The following SMG1 variants were observed in gnomAD, a reference collection of about 807,000 sequenced individuals.
SMG1 encodes the protein SMG1 nonsense mediated mRNA decay associated PI3K related kinase.
A neutral mutation model predicts 419.9 loss-of-function variants in SMG1; 22 were observed. The observed-to-expected ratio is 0.05, with a 90% CI of 0.04 to 0.07. SMG1 has a LOEUF of 0.07. Ranked by LOEUF, SMG1 falls within the 10% of genes least tolerant of loss-of-function variation. The pLI, the probability that SMG1 is intolerant of heterozygous loss-of-function variation, is 1.00. For synonymous variants in SMG1, 1,538 were observed against 1,553.5 expected, an observed-to-expected ratio of 0.99 and a Z score of 0.23; for missense variants, 3,185 against 4,342.0, an observed-to-expected ratio of 0.73 and a Z score of 7.49.
intron 26 of SMG1, 80 bp from the exon 27 acceptor site, chr16:18,859,783 C>T (rs1334533430): frequency 9.5e-7 from 1 of 1,048,760 alleles, no homozygotes. Context: ...TTATTAAAAA[C>T]TAATCACCAA....
At chr16:18,858,820 T>C in intron 28 of SMG1, 1 of 468,036 alleles carries the variant, frequency 2.1e-6, no homozygotes, top group East Asian at 3.7e-5. Flanking sequence ...CAATTTGCCA[T>C]CCTTGAGATT....
rs1205855964 is a variant in SMG1 at position 18,926,391 on chromosome 16, C to G, written c.-350G>C. The G allele has an allele frequency of 4.0e-6, 1 of 253,134 alleles. No homozygotes were observed. The highest frequency in any genetic ancestry group is 2.3e-5 in the African/African-American group (1 of 44,214). 15.7% of individuals were successfully genotyped at this position (253,134 alleles called of 1,614,324 possible). On this transcript the variant is annotated 5_prime_UTR_variant, in exon 1 of 63. Coordinates refer to ENST00000446231, the MANE Select transcript of SMG1 (RefSeq NM_015092.5). ...GGAGCAGGCGGTGGCGGCAGCTCCT[C>G]ACGCTCACACGGCCACTGCTTCCCC...
chr16:18,851,953 TACA>T (rs962779855), intron 33 of SMG1, 111 bp downstream of exon 33: 37 of 1,137,982 alleles, frequency 3.3e-5, no homozygotes, highest in Middle Eastern at 3.1e-4. Context: ...AGTTTTTATT[TACA>T]ACAACAATTG....
intron 10 of SMG1, among the ~76,000 whole-genome samples, chr16:18,881,958 T>C (rs908382850): frequency 2.6e-5 from 4 of 151,402 alleles, no homozygotes; most frequent in African/African-American, 9.7e-5. Flanking sequence ...GGTAGGGGAG[T>C]TGGATGAAAG....
chr16:18,852,442 G>C lies in SMG1; in HGVS notation c.4789C>G (p.Pro1597Ala), dbSNP rs1175672989. ...ESTVHIGVGEPDFILGQLYHL... is the reference protein window; with the variant it reads ...ESTVHIGVGEADFILGQLYHL... The stretch of plus-strand genomic sequence containing the variant: ...TACAACTGTCCCAAAATGAAGTCAG[G>C]TTCTCCAACTCCAATATGCACTGCC... Residue 1597 changes from proline to alanine, a missense_variant, in exon 32 of 63, where the codon CCT becomes GCT. By Grantham distance (27) the Pro-to-Ala change is conservative. Transcript: ENST00000446231. 1 of 1,592,330 alleles carries C rather than the reference G, an allele frequency of 6.3e-7. No individual in the cohort carries two copies. The highest frequency in any genetic ancestry group is 8.5e-7 in the Non-Finnish European group (1 of 1,169,638).
At chr16:18,872,422 A>T (rs2035871652) in intron 14 of SMG1, 72 bp downstream of exon 14, 1 of 1,473,138 alleles carries the variant, frequency 6.8e-7, no homozygotes, top group African/African-American at 1.4e-5. Context: ...ATCAACATAC[A>T]TCTTTAAAAT....
Position 18,839,746 on chromosome 16 carries a change from C to T in SMG1, c.6897G>A (p.Glu2299=). 3.1e-6 allele frequency: 5 copies of T among 1,613,972 alleles called. No homozygotes were observed. Among genetic ancestry groups the T allele is most frequent in the Non-Finnish European group, 4.2e-6 (5 of 1,179,890 alleles). ...EATPPNLLAK[E]LWSSCTTPDE... is the part of the protein sequence containing the mutation. The stretch of plus-strand genomic sequence containing the variant: ...CAGGTGTTGTGCAAGATGACCAGAG[C>T]TCTTTGGCAAGGAGATTCGGGGGTG... Residue 2299 remains glutamate, a synonymous_variant, in exon 42 of 63, where the codon GAG becomes GAA. Transcript: ENST00000446231.
In SMG1 at chr16:18,926,103, A is replaced by C; in HGVS notation, c.-62T>G. ...CCAAAGAAGCGCGAGTCGCCGCCCG[A>C]ACCGGCCGCCGCCGACACCCCGCTC... On this transcript the variant is annotated 5_prime_UTR_variant, in exon 1 of 63. Coordinates refer to ENST00000446231, the MANE Select transcript of SMG1 (RefSeq NM_015092.5). The C allele has an allele frequency of 1.4e-6, 2 of 1,448,724 alleles. No homozygotes were observed. Among genetic ancestry groups the C allele is most frequent in the South Asian group, 2.6e-5 (2 of 77,276 alleles). The allele number at this position is 1,448,724 out of a possible 1,614,324, so 89.7% of individuals were successfully genotyped here.
intron 1 of SMG1, among the ~76,000 whole-genome samples, chr16:18,912,271 T>C (rs1452407154): frequency 5.9e-5 from 9 of 151,588 alleles, no homozygotes; most frequent in South Asian, 4.1e-4. Flanking sequence ...AGGGTGGCTA[T>C]AGTAAATAAT....
At chr16:18,896,309 A>G (rs2037125002) in intron 2 of SMG1, 102 bp from the exon 3 acceptor site, 1 of 1,111,618 alleles carries the variant, frequency 9.0e-7, no homozygotes, top group South Asian at 1.3e-5. Flanking sequence ...CAGCTCAACC[A>G]GCCTTTGCTT....
intron 56 of SMG1, among the ~76,000 whole-genome samples, chr16:18,819,180 T>TTC (rs2032294121): frequency 6.6e-6 from 1 of 152,230 alleles, no homozygotes; most frequent in Non-Finnish European, 1.5e-5. Flanking sequence ...CCAAGTACCT[T>TTC]TCCAAATCTT....
At chr16:18,873,268 G>A (rs2035922626) in intron 13 of SMG1, among the ~76,000 whole-genome samples, 1 of 152,146 alleles carries the variant, frequency 6.6e-6, no homozygotes, top group African/African-American at 2.4e-5. Flanking sequence ...GCCCAGGCTG[G>A]AGTGCAATGG....
At chr16:18,883,248 T>C (rs2036477012) in intron 9 of SMG1, among the ~76,000 whole-genome samples, 1 of 152,208 alleles carries the variant, frequency 6.6e-6, no homozygotes, top group South Asian at 2.1e-4. Flanking sequence ...GCCACGACAG[T>C]GGGGCCAGAA....
chr16:18,813,286 A>G (rs1324579280), intron 60 of SMG1, among the ~76,000 whole-genome samples: 3 of 152,184 alleles, frequency 2.0e-5, no homozygotes, highest in African/African-American at 4.8e-5. Flanking sequence ...AGTCCCACCA[A>G]CAGTGTAAAA....
intron 55 of SMG1, 70 bp from the exon 56 acceptor site, chr16:18,819,724 T>C: frequency 4.3e-6 from 6 of 1,390,528 alleles, no homozygotes; most frequent in Non-Finnish European, 5.7e-6. Context: ...GAGTATTTTA[T>C]ATAACACAAT....
chr16:18,835,980 C>T lies in SMG1; in HGVS notation c.8010G>A (p.Glu2670=), dbSNP rs1374958565. ...GCTCTACTGTGGTGTTACAGATGAG[C>T]TCTTCCATCCAGGTCTTCCACTGTT... ...RIEQWKTWME[E]LICNTTVERC... The change falls in exon 48 of 63, where the codon GAG becomes GAA. Residue 2670 remains glutamate (E), a synonymous_variant. Transcript: ENST00000446231. The T allele has an allele frequency of 1.3e-6, 2 of 1,554,296 alleles. No homozygotes were observed. Among genetic ancestry groups the T allele is most frequent in the East Asian group, 4.9e-5 (2 of 41,088 alleles).
chr16:18,866,329 C>T (rs1055512958), intron 23 of SMG1: 1 of 441,698 alleles, frequency 2.3e-6, no homozygotes, highest in African/African-American at 2.0e-5. Flanking sequence ...GTATCAGACT[C>T]TGAGGGGGAA....
At position 18,918,683 on chromosome 16, in the gene SMG1, G is replaced by A. The variant is rs573719102; in HGVS notation, c.92+7267C>T. Reference sequence around the variant, plus strand: ...CCTGCCTCAGCCTCCCAAGTAGCTGGGATTACAGGCACCCACCACTGCATC... The same window carrying A: ...CCTGCCTCAGCCTCCCAAGTAGCTGAGATTACAGGCACCCACCACTGCATC... On this transcript the variant is annotated intron_variant, in intron 1 of 62. Coordinates refer to ENST00000446231, the MANE Select transcript of SMG1 (RefSeq NM_015092.5). 1.3e-4 allele frequency among the ~76,000 whole-genome samples: 18 copies of A among 138,798 alleles called. No individual in the cohort carries two copies. The East Asian group carries it at 3.1e-3, about 24-fold the overall frequency. The allele number at this position is 138,798 out of a possible 152,430, so 91.1% of individuals were successfully genotyped here.
At chr16:18,847,681 GTAAGT>G in intron 37 of SMG1, 74 bp from the exon 38 acceptor site, 1 of 1,307,794 alleles carries the variant, frequency 7.6e-7, no homozygotes, top group East Asian at 2.7e-5. Context: ...ACTGGACTTT[GTAAGT>G]TAAGTGTGTG....
Sources: gnomAD v4.1 joint callset for allele counts (sites outside exome capture counted in the v4.1 genomes callset) on GRCh38, gnomAD v4.1.1 for gene constraint, MANE v1.5 for transcripts, NCBI Gene and HGNC (gene_info 2026-07-23, HGNC 2026-07-21) for gene names.